Variants in GSTCD observed in about 807,000 individuals in gnomAD.
The protein encoded by GSTCD is glutathione S-transferase C-terminal domain-containing protein.
A neutral mutation model predicts 68.3 loss-of-function variants in GSTCD; 44 were observed. The ratio of observed to expected loss-of-function variants is 0.64; its 90% CI spans 0.51 to 0.83. The LOEUF (loss-of-function observed/expected upper bound fraction) is 0.83, where lower values mean the gene tolerates loss of function less well. Among genes scored for constraint, GSTCD ranks in the 40% least tolerant of loss-of-function variants. GSTCD has a pLI of 0.00. For synonymous variants in GSTCD, 273 were observed against 255.2 expected, an observed-to-expected ratio of 1.07 and a Z score of -0.67; for missense variants, 739 against 735.9, an observed-to-expected ratio of 1.00 and a Z score of -0.05.
chr4:105,723,639 T>C (rs930628889), intron 3 of GSTCD, among the ~76,000 whole-genome samples: 4 of 151,794 alleles, frequency 2.6e-5, no homozygotes, highest in African/African-American at 9.7e-5. Flanking sequence ...CAATCCTCCA[T>C]GGATACTGAG....
intron 5 of GSTCD, chr4:105,761,251 G>A (rs564870279): frequency 2.7e-4 from 45 of 166,800 alleles, no homozygotes; most frequent in South Asian, 1.9e-3. Flanking sequence ...TGATCCAGCC[G>A]CCTCAGCCTC....
chr4:105,743,220 G>A (rs934347819), intron 5 of GSTCD, among the ~76,000 whole-genome samples: 3 of 151,942 alleles, frequency 2.0e-5, no homozygotes, highest in Admixed American at 6.6e-5. Context: ...AAAGTACTGG[G>A]ATTACAGGCA....
At chr4:105,783,730 C>A (rs968378924) in intron 5 of GSTCD, among the ~76,000 whole-genome samples, 1 of 152,066 alleles carries the variant, frequency 6.6e-6, no homozygotes, top group Non-Finnish European at 1.5e-5. Context: ...ATCTCCATAG[C>A]CTATATTCAA....
intron 5 of GSTCD, among the ~76,000 whole-genome samples, chr4:105,770,854 C>T (rs1734816919): frequency 1.3e-5 from 2 of 152,068 alleles, no homozygotes; most frequent in Admixed American, 6.6e-5. Flanking sequence ...GTCTTTACAG[C>T]AGAATGATTT....
chr4:105,794,428 T>A (rs1735792306), intron 5 of GSTCD, among the ~76,000 whole-genome samples: 1 of 152,058 alleles, frequency 6.6e-6, no homozygotes, highest in African/African-American at 2.4e-5. Context: ...GATGTGTCAA[T>A]GTAGGTTCAT....
At chr4:105,843,889 T>A (rs1724450668) in intron 11 of GSTCD, among the ~76,000 whole-genome samples, 1 of 146,086 alleles carries the variant, frequency 6.8e-6, no homozygotes, top group Non-Finnish European at 1.5e-5. Flanking sequence ...GGCAGGGAAG[T>A]TGCTAGAGTG....
At chr4:105,834,690 C>A in intron 9 of GSTCD, 96 bp downstream of exon 9, 1 of 1,022,858 alleles carries the variant, frequency 9.8e-7, no homozygotes. Flanking sequence ...TAATTTTTGG[C>A]TCATTTCTTC....
intron 3 of GSTCD, 56 bp from the exon 4 acceptor site, chr4:105,726,523 A>C: frequency 8.6e-7 from 1 of 1,161,816 alleles, no homozygotes; most frequent in Non-Finnish European, 1.2e-6. Context: ...TTACCTCAAC[A>C]CAGCTATTAT....
chr4:105,728,129 C>T (rs1485220612), intron 4 of GSTCD, among the ~76,000 whole-genome samples: 1 of 152,092 alleles, frequency 6.6e-6, no homozygotes, highest in Admixed American at 6.6e-5. Flanking sequence ...GATTATATTA[C>T]TACACTGCCA....
intron 5 of GSTCD, among the ~76,000 whole-genome samples, chr4:105,732,701 T>C (rs1578418360): frequency 6.6e-6 from 1 of 152,198 alleles, no homozygotes; most frequent in East Asian, 1.9e-4. Flanking sequence ...TCAGTTCTGC[T>C]CTGATCTCAG....
intron 5 of GSTCD, among the ~76,000 whole-genome samples, chr4:105,733,134 T>C (rs1266181054): frequency 1.3e-5 from 2 of 152,164 alleles, no homozygotes; most frequent in South Asian, 2.1e-4. Context: ...GGAATAAGTG[T>C]GGTGTGGTGC....
At position 105,845,845 on chromosome 4, in the gene GSTCD, T is replaced by G; in HGVS notation, c.*268T>G. The G allele has an allele frequency of 5.3e-6, 2 of 378,668 alleles. No homozygotes were observed. The highest frequency in any genetic ancestry group is 9.8e-6 in the Non-Finnish European group (2 of 204,790). 23.5% of individuals were successfully genotyped at this position (378,668 alleles called of 1,614,324 possible). A position where few individuals can be genotyped will look rare whatever the true frequency, so the allele number is the denominator to read the frequency against. ...GCCAAAAGAATAATACTAGTGGAGGTTCCATCACAGGAATAACAATTTCCT... is the reference window on the plus strand; with the variant it reads ...GCCAAAAGAATAATACTAGTGGAGGGTCCATCACAGGAATAACAATTTCCT... On this transcript the variant is annotated 3_prime_UTR_variant, in exon 12 of 12. Transcript: ENST00000515279.
chr4:105,787,592 G>C (rs1280978268), intron 5 of GSTCD, among the ~76,000 whole-genome samples: 1 of 151,930 alleles, frequency 6.6e-6, no homozygotes, highest in African/African-American at 2.4e-5. Context: ...GTCAGTCAGG[G>C]AGAAGCAGCA....
chr4:105,834,981 T>C (rs758027961), intron 9 of GSTCD, among the ~76,000 whole-genome samples: 63 of 152,358 alleles, frequency 4.1e-4, no homozygotes, highest in Admixed American at 2.2e-3. Context: ...ACTAGCTCCT[T>C]ATCATTTTAT....
At position 105,718,378 on chromosome 4, in the gene GSTCD, G is replaced by A. The variant is rs187897629; in HGVS notation, c.426+339G>A. 4.0e-3 allele frequency among the ~76,000 whole-genome samples: 612 copies of A among 152,172 alleles called. 5 individuals carry two copies. Among genetic ancestry groups the A allele is most frequent in the African/African-American group, 0.014 (568 of 41,520 alleles). ...ATGAGAGATCTAGCTGTTGAAAAGC[G>A]CCTGGTACCTCTTCCTTGCTCTCTC... On this transcript the variant is annotated intron_variant, in intron 2 of 11. Transcript: ENST00000515279.
intron 5 of GSTCD, among the ~76,000 whole-genome samples, chr4:105,802,989 C>T (rs971715533): frequency 1.3e-5 from 2 of 152,026 alleles, no homozygotes; most frequent in South Asian, 2.1e-4. Context: ...TACTGAAGGC[C>T]ACTGGTTTGC....
intron 5 of GSTCD, among the ~76,000 whole-genome samples, chr4:105,786,303 G>A (rs2149252420): frequency 6.6e-6 from 1 of 152,164 alleles, no homozygotes; most frequent in South Asian, 2.1e-4. Flanking sequence ...TTGAGGACAG[G>A]AGTTCGAGAC....
chr4:105,722,447 T>C (rs1732887880), intron 3 of GSTCD, among the ~76,000 whole-genome samples: 1 of 152,056 alleles, frequency 6.6e-6, no homozygotes, highest in South Asian at 2.1e-4. Context: ...AACAGAGAGC[T>C]GGGATTATAT....
chr4:105,845,472 T>C lies in GSTCD; in HGVS notation c.1797T>C (p.Asp599=). The change falls in exon 12 of 12, where the codon GAT becomes GAC. Residue 599 remains aspartate, a synonymous_variant. Transcript: ENST00000515279. ...AGTGCATGTGCTTGGTGGATCTGGA[T>C]CGAGCAAGAGCTGCAGAAGAATGTG... ...GKQCMCLVDL[D]RARAAEECGY... is the part of the protein sequence containing the mutation. 6.2e-7 allele frequency: 1 copy of C among 1,614,168 alleles called. No homozygotes were observed. The highest frequency in any genetic ancestry group is 1.1e-5 in the South Asian group (1 of 91,082).
Sources: gnomAD v4.1 joint callset for allele counts (sites outside exome capture counted in the v4.1 genomes callset) on GRCh38, gnomAD v4.1.1 for gene constraint, MANE v1.5 for transcripts, NCBI Gene and HGNC (gene_info 2026-07-23, HGNC 2026-07-21) for gene names.